ASAP1: variants seen among roughly 807,000 people sequenced by gnomAD.
ASAP1 encodes ArfGAP with SH3 domain, ankyrin repeat and PH domain 1, also known as arf-GAP with SH3 domain, ANK repeat and PH domain-containing protein 1.
In ASAP1, 43 loss-of-function variants were observed where a neutral mutation model predicts 145.2. That is an observed-to-expected ratio of 0.30 (90% CI 0.23 to 0.38). The LOEUF (loss-of-function observed/expected upper bound fraction) is 0.38. Among genes scored for constraint, ASAP1 ranks in the 10% least tolerant of loss-of-function variants. ASAP1 has a pLI of 1.00. For missense variants in ASAP1, 1,018 were observed against 1,355.3 expected (o/e 0.75, Z 3.91); for synonymous variants, 546 against 515.5 (o/e 1.06, Z -0.80).
chr8:130,283,392 A>C (rs1249677152), intron 3 of ASAP1, among the ~76,000 whole-genome samples: 1 of 152,122 alleles, frequency 6.6e-6, no homozygotes, highest in Non-Finnish European at 1.5e-5. Context: ...CATCCTGGCA[A>C]CATGGTGAAA....
intron 1 of ASAP1, among the ~76,000 whole-genome samples, chr8:130,426,404 C>G (rs1403165758): frequency 6.6e-6 from 1 of 150,634 alleles, no homozygotes; most frequent in Non-Finnish European, 1.5e-5. Flanking sequence ...AACTAATACA[C>G]TGGTTAGGAA....
At chr8:130,268,305 G>GC (rs1820380679) in intron 3 of ASAP1, among the ~76,000 whole-genome samples, 1 of 151,886 alleles carries the variant, frequency 6.6e-6, no homozygotes, top group African/African-American at 2.4e-5. Flanking sequence ...GGGAAACACA[G>GC]CAAGACTTTG....
chr8:130,308,141 A>G (rs1823107761), intron 3 of ASAP1, among the ~76,000 whole-genome samples: 1 of 152,224 alleles, frequency 6.6e-6, no homozygotes, highest in Non-Finnish European at 1.5e-5. Context: ...CATCTTAGTG[A>G]TAAATTTTAT....
At chr8:130,331,899 G>A (rs1465195388) in intron 3 of ASAP1, among the ~76,000 whole-genome samples, 1 of 152,148 alleles carries the variant, frequency 6.6e-6, no homozygotes, top group African/African-American at 2.4e-5. Context: ...CAAACCCAGA[G>A]AACCATAGAG....
intron 3 of ASAP1, among the ~76,000 whole-genome samples, chr8:130,290,222 A>C (rs1821865364): frequency 6.6e-6 from 1 of 152,184 alleles, no homozygotes; most frequent in South Asian, 2.1e-4. Flanking sequence ...ACTTCTCTTA[A>C]GGCTCGCATA....
intron 24 of ASAP1, among the ~76,000 whole-genome samples, chr8:130,107,536 A>G (rs2097539429): frequency 1.2e-5 from 1 of 85,718 alleles, no homozygotes. Flanking sequence ...GTATGTATGT[A>G]TGTATGTATG....
At chr8:130,246,297 A>T (rs766060235) in intron 3 of ASAP1, among the ~76,000 whole-genome samples, 6 of 152,126 alleles carry the variant, frequency 3.9e-5, no homozygotes, top group Non-Finnish European at 7.4e-5. Flanking sequence ...TGCCTTTTGT[A>T]CCAATGGCAG....
At chr8:130,435,164 G>A (rs1457362149) in intron 1 of ASAP1, among the ~76,000 whole-genome samples, 4 of 152,138 alleles carry the variant, frequency 2.6e-5, no homozygotes, top group African/African-American at 4.8e-5. Flanking sequence ...TCCCCTTTAC[G>A]CAGGTGGGGA....
intron 3 of ASAP1, among the ~76,000 whole-genome samples, chr8:130,307,696 C>T (rs1372482537): frequency 2.0e-5 from 3 of 152,180 alleles, no homozygotes; most frequent in Non-Finnish European, 4.4e-5. Context: ...GTAGGAGTAA[C>T]AGCGATAAGC....
intron 24 of ASAP1, among the ~76,000 whole-genome samples, chr8:130,107,697 G>A (rs1227553586): frequency 2.0e-5 from 3 of 151,820 alleles, no homozygotes; most frequent in Non-Finnish European, 2.9e-5. Context: ...ACAGGCACGG[G>A]CCACCAAGCC....
chr8:130,156,525 T>C (rs1428799373), intron 12 of ASAP1, among the ~76,000 whole-genome samples: 2 of 152,182 alleles, frequency 1.3e-5, no homozygotes, highest in Non-Finnish European at 2.9e-5. Context: ...ATTTCATCTA[T>C]GTGTGTGGAA....
chr8:130,293,417 A>T (rs570822208), intron 3 of ASAP1, among the ~76,000 whole-genome samples: 1 of 152,332 alleles, frequency 6.6e-6, no homozygotes, highest in African/African-American at 2.4e-5. Context: ...AACTTCCAAC[A>T]TCCATCGCTC....
intron 1 of ASAP1, among the ~76,000 whole-genome samples, chr8:130,434,986 T>A (rs1830260446): frequency 6.6e-6 from 1 of 152,102 alleles, no homozygotes; most frequent in Non-Finnish European, 1.5e-5. Flanking sequence ...TGAAGGAAGT[T>A]CCCAAGGCAA....
At chr8:130,196,380 T>C (rs1353504515) in intron 5 of ASAP1, among the ~76,000 whole-genome samples, 1 of 150,702 alleles carries the variant, frequency 6.6e-6, no homozygotes, top group Non-Finnish European at 1.5e-5. Flanking sequence ...CACTGTACTA[T>C]CATTTCTGGC....
chr8:130,431,556 T>C (rs570858942), intron 1 of ASAP1, among the ~76,000 whole-genome samples: 3 of 152,330 alleles, frequency 2.0e-5, no homozygotes, highest in South Asian at 2.1e-4. Flanking sequence ...TGGTTCCTAT[T>C]CGTTATTTAA....
Position 130,180,895 on chromosome 8 carries a change from A to C in ASAP1, c.531-15T>G, listed in dbSNP as rs1211505977. On this transcript the variant is annotated splice_polypyrimidine_tract_variant and intron_variant, in intron 7 of 29. Transcript: ENST00000518721. ...CAATTTTTGTACTGTAATTAAAGCC[A>C]ATGTCATTATTTAAAAAAAAAAAAT... is the stretch of plus-strand genomic sequence containing the variant. 2.6e-6 allele frequency: 4 copies of C among 1,555,190 alleles called. No individual in the cohort carries two copies. In the African/African-American group the frequency reaches 4.9e-5, roughly 19 times the overall value.
intron 3 of ASAP1, among the ~76,000 whole-genome samples, chr8:130,242,799 A>G (rs1818619948): frequency 6.6e-6 from 1 of 152,140 alleles, no homozygotes; most frequent in African/African-American, 2.4e-5. Flanking sequence ...GAAAGAATTG[A>G]CAATGAAGAA....
intron 2 of ASAP1, among the ~76,000 whole-genome samples, chr8:130,372,845 C>T (rs1827273895): frequency 6.6e-6 from 1 of 151,980 alleles, no homozygotes; most frequent in Non-Finnish European, 1.5e-5. Context: ...AATTTTTACC[C>T]CACTCTTTCC....
At chr8:130,268,044 A>G (rs1028971223) in intron 3 of ASAP1, among the ~76,000 whole-genome samples, 12 of 152,212 alleles carry the variant, frequency 7.9e-5, no homozygotes, top group Non-Finnish European at 1.6e-4. Context: ...TCACTAGGAG[A>G]AAAGTGGCTA....
Sources: gnomAD v4.1 joint callset for allele counts (sites outside exome capture counted in the v4.1 genomes callset) on GRCh38, gnomAD v4.1.1 for gene constraint, MANE v1.5 for transcripts, NCBI Gene and HGNC (gene_info 2026-07-23, HGNC 2026-07-21) for gene names.